Variants in CYB561 observed in about 807,000 individuals in gnomAD.
The protein encoded by CYB561 is cytochrome b561.
A neutral mutation model predicts 25.3 loss-of-function variants in CYB561; 11 were observed. The observed-to-expected ratio is 0.44, with a 90% CI of 0.27 to 0.72. CYB561 has a LOEUF of 0.72. Ranked by LOEUF, CYB561 falls within the 30% of genes least tolerant of loss-of-function variation. The pLI, the probability that CYB561 is intolerant of heterozygous loss-of-function variation, is 0.18. For missense variants in CYB561, 295 were observed against 334.9 expected, an observed-to-expected ratio of 0.88 and a Z score of 0.93; for synonymous variants, 165 against 158.8, an observed-to-expected ratio of 1.04 and a Z score of -0.29.
At chr17:63,441,016 G>A (rs2049369947) in intron 1 of CYB561, 1 of 152,202 alleles carries the variant, frequency 6.6e-6, no homozygotes, top group Non-Finnish European at 1.5e-5. Context: ...ACACCTCGTG[G>A]AGTACAAAGG....
intron 1 of CYB561, among the ~76,000 whole-genome samples, chr17:63,441,694 C>T (rs750082633): frequency 6.6e-6 from 1 of 152,236 alleles, no homozygotes; most frequent in East Asian, 1.9e-4. Flanking sequence ...GCTGCCTGCT[C>T]GTGGCTTTGG....
In CYB561 at chr17:63,433,339, A is replaced by T; in HGVS notation, c.*1063T>A. The T allele has an allele frequency of 2.5e-6, 1 of 398,588 alleles. No individual in the cohort carries two copies. The highest frequency in any genetic ancestry group is 4.4e-6 in the Non-Finnish European group (1 of 226,122). The allele number at this position is 398,588 out of a possible 1,614,324, so 24.7% of individuals were successfully genotyped here. On this transcript the variant is annotated 3_prime_UTR_variant, in exon 6 of 6. Coordinates refer to ENST00000360793, the MANE Select transcript of CYB561 (RefSeq NM_001915.4). The stretch of plus-strand genomic sequence containing the variant: ...GCCAAATGGTGACTCAGCTAACATG[A>T]CACTCTTTATGGGGCTGGAGTGATG...
rs1184101738 is a variant in CYB561 at position 63,435,215 on chromosome 17, A to G, written c.434T>C (p.Phe145Ser). ...QWLVGFSFFL[F>S]PGASFSLRSR... is the part of the protein sequence containing the mutation. ...CCGCAGGGAGAATGAAGCTCCGGGG[A>G]ACAGGAAGAAGCTGAAGCCCACCAG... The change falls in exon 5 of 6, where the codon TTC (phenylalanine) becomes TCC (serine). Residue 145 changes from phenylalanine to serine, a missense_variant. Physicochemically the swap from Phe to Ser is radical, Grantham distance 155. Coordinates refer to ENST00000360793, the MANE Select transcript of CYB561 (RefSeq NM_001915.4). The G allele has an allele frequency of 1.2e-6, 2 of 1,613,748 alleles. No individual in the cohort carries two copies. The highest frequency in any genetic ancestry group is 1.7e-6 in the Non-Finnish European group (2 of 1,179,996).
rs898216109 is a variant in CYB561 at position 63,436,229 on chromosome 17, C to G, written c.203-77G>C. 2 of 1,546,238 alleles carry G rather than the reference C, an allele frequency of 1.3e-6. No individual in the cohort carries two copies. The highest frequency in any genetic ancestry group is 1.8e-6 in the Non-Finnish European group (2 of 1,133,336). On this transcript the variant is annotated intron_variant, in intron 2 of 5. Coordinates refer to ENST00000360793, the MANE Select transcript of CYB561 (RefSeq NM_001915.4). This position sits in a 1 kb window ranked among gnomAD's most constrained non-coding sequence, Gnocchi z 4.8. ...TCCTGCCCCAGCAGCAAGGAGGCACCTTGGTGGAGAGGTGATGTGAGCTGA... is the reference window on the plus strand; with the variant it reads ...TCCTGCCCCAGCAGCAAGGAGGCACGTTGGTGGAGAGGTGATGTGAGCTGA...
intron 1 of CYB561, among the ~76,000 whole-genome samples, chr17:63,445,588 C>CAGGG (rs916459654): frequency 1.5e-5 from 2 of 136,274 alleles, no homozygotes; most frequent in Non-Finnish European, 3.2e-5. Context: ...GGGGACAGGG[C>CAGGG]AGGGAGGGAG....
chr17:63,437,585 G>C, intron 1 of CYB561, 25 bp from the exon 2 acceptor site: 2 of 1,583,730 alleles, frequency 1.3e-6, no homozygotes, highest in Non-Finnish European at 1.7e-6. Flanking sequence ...AGAGCTCAGA[G>C]GAGCAGCGCA....
rs2049238075 is a variant in CYB561, at chr17:63,432,635, C to T, written c.*1767G>A. 6.6e-6 allele frequency: 1 copy of T among 152,280 alleles called. No homozygotes were observed. Among genetic ancestry groups the T allele is most frequent in the South Asian group, 2.1e-4 (1 of 4,834 alleles). The allele number at this position is 152,280 out of a possible 1,614,324, so 9.4% of individuals were successfully genotyped here. A position where few individuals can be genotyped will look rare whatever the true frequency, so the allele number is the denominator to read the frequency against. The stretch of plus-strand genomic sequence containing the variant: ...ATTGAAGAACTGACGGCACCCCTAC[C>T]CCTGAAGAGTGTACAGTCTAAACAG... On this transcript the variant is annotated 3_prime_UTR_variant, in exon 6 of 6. Coordinates refer to ENST00000360793, the MANE Select transcript of CYB561 (RefSeq NM_001915.4).
In CYB561 at chr17:63,435,996, G is replaced by A. The variant is rs186070517; in HGVS notation, c.301+58C>T. On this transcript the variant is annotated intron_variant, in intron 3 of 5. Coordinates refer to ENST00000360793, the MANE Select transcript of CYB561 (RefSeq NM_001915.4). ...AGGGAACAGAGCAGGTGAAGCGGCT[G>A]TTTGCCATACCTGAAGAGGCAGGCA... The A allele has an allele frequency of 1.4e-5, 22 of 1,612,868 alleles. No homozygotes were observed. In the African/African-American group the frequency reaches 2.7e-4, roughly 20 times the overall value.
chr17:63,442,964 G>A (rs2049390601), intron 1 of CYB561: 1 of 152,366 alleles, frequency 6.6e-6, no homozygotes, highest in Non-Finnish European at 1.5e-5. Context: ...GGCGGAGCAG[G>A]GGAGGCTGGG....
At chr17:63,441,657 C>A (rs753448619) in intron 1 of CYB561, among the ~76,000 whole-genome samples, 2 of 152,254 alleles carry the variant, frequency 1.3e-5, no homozygotes, top group Non-Finnish European at 2.9e-5. Flanking sequence ...TGGGCAATAG[C>A]ATCTCTAGCT....
At chr17:63,442,277 T>C (rs1214148314) in intron 1 of CYB561, among the ~76,000 whole-genome samples, 1 of 152,070 alleles carries the variant, frequency 6.6e-6, no homozygotes, top group Non-Finnish European at 1.5e-5. Flanking sequence ...GATAACCCAT[T>C]TGTGTGCAGG....
intron 1 of CYB561, among the ~76,000 whole-genome samples, chr17:63,438,708 G>A (rs2049343609): frequency 6.6e-6 from 1 of 152,188 alleles, no homozygotes; most frequent in African/African-American, 2.4e-5. Flanking sequence ...GCCCCACGTG[G>A]CCCTCCAGGA....
At chr17:63,444,149 A>AT (rs1184380964) in intron 1 of CYB561, among the ~76,000 whole-genome samples, 1 of 152,224 alleles carries the variant, frequency 6.6e-6, no homozygotes, top group East Asian at 1.9e-4. Context: ...TGCCTGGCTA[A>AT]TTTTTTGTAT....
Position 63,434,160 on chromosome 17 carries a change from T to C in CYB561, c.*242A>G. 2.0e-6 allele frequency: 1 copy of C among 492,972 alleles called. No individual in the cohort carries two copies. The highest frequency in any genetic ancestry group is 3.6e-6 in the Non-Finnish European group (1 of 274,894). The allele number at this position is 492,972 out of a possible 1,614,324, so 30.5% of individuals were successfully genotyped here. A position where few individuals can be genotyped will look rare whatever the true frequency, so the allele number is the denominator to read the frequency against. On this transcript the variant is annotated 3_prime_UTR_variant, in exon 6 of 6. Coordinates refer to ENST00000360793, the MANE Select transcript of CYB561 (RefSeq NM_001915.4). ...ACCCGAAGTCCTACCCAAAGCCTTC[T>C]GCACTGAAGGGGGCAACAGAGACAC...
intron 4 of CYB561, 132 bp from the exon 5 acceptor site, chr17:63,435,375 T>C (rs1328067862): frequency 9.2e-6 from 9 of 981,704 alleles, no homozygotes; most frequent in Middle Eastern, 3.2e-4. Context: ...TCCTTCCTCC[T>C]CAGCACAGTG....
intron 1 of CYB561, chr17:63,437,978 A>AGGCT: frequency 8.9e-6 from 1 of 112,004 alleles, no homozygotes. Flanking sequence ...CGGCCCCGCC[A>AGGCT]CCCTCCCCCG....
Position 63,433,978 on chromosome 17 carries a change from C to G in CYB561, c.*424G>C, listed in dbSNP as rs893380614. On this transcript the variant is annotated 3_prime_UTR_variant, in exon 6 of 6. Coordinates refer to ENST00000360793, the MANE Select transcript of CYB561 (RefSeq NM_001915.4). ...CCACGTGTTATTCAGGCTGGAGGGACTCCTTGTTTGAATTCAGCAGCCATC... is the reference window on the plus strand; with the variant it reads ...CCACGTGTTATTCAGGCTGGAGGGAGTCCTTGTTTGAATTCAGCAGCCATC... The G allele has an allele frequency of 5.1e-5, 10 of 195,094 alleles. No homozygotes were observed. The highest frequency in any genetic ancestry group is 1.8e-4 in the South Asian group (1 of 5,412). 12.1% of individuals were successfully genotyped at this position (195,094 alleles called of 1,614,324 possible).
At chr17:63,438,006 A>G in intron 1 of CYB561, 1 of 699,542 alleles carries the variant, frequency 1.4e-6, no homozygotes, top group Non-Finnish European at 1.9e-6. Context: ...CGCTGGAAGC[A>G]GCGCTCGCTC....
Position 63,437,386 on chromosome 17 carries a change from G to C in CYB561, c.162C>G (p.Pro54=), listed in dbSNP as rs758921766. ...AGATCAGGCCTATGACCATGCAGAG[G>C]GGGTGCGCGTTGAACTGCAGGTCGC... ...WESDLQFNAH[P]LCMVIGLIFL... Residue 54 remains proline (P), a synonymous_variant, in exon 2 of 6, where the codon CCC becomes CCG. Coordinates refer to ENST00000360793, the MANE Select transcript of CYB561 (RefSeq NM_001915.4). 13 of 1,614,088 alleles carry C rather than the reference G, an allele frequency of 8.1e-6. No homozygotes were observed. The highest frequency in any genetic ancestry group is 6.7e-5 in the Admixed American group (4 of 60,030).
Sources: allele counts gnomAD v4.1 joint callset (sites outside exome capture counted in the v4.1 genomes callset), GRCh38; gene constraint gnomAD v4.1.1; non-coding constraint Gnocchi (gnomAD v3.1); transcripts MANE v1.5; gene names NCBI Gene and HGNC (gene_info 2026-07-23, HGNC 2026-07-21).